Variants in PDE1C observed in about 807,000 individuals in gnomAD.
PDE1C encodes dual specificity calcium/calmodulin-dependent 3',5'-cyclic nucleotide phosphodiesterase 1C.
In PDE1C, 62 loss-of-function variants were observed where a neutral mutation model predicts 93.1. The observed-to-expected ratio is 0.67, with a 90% confidence interval of 0.54 to 0.82. PDE1C has a LOEUF of 0.82. Among genes scored for constraint, PDE1C ranks in the 40% least tolerant of loss-of-function variants. PDE1C has a pLI of 0.00. For synonymous variants in PDE1C, 325 were observed against 310.1 expected, an observed-to-expected ratio of 1.05 and a Z score of -0.50; for missense variants, 742 against 884.6, an observed-to-expected ratio of 0.84 and a Z score of 2.04.
rs143858190 is a variant in PDE1C, at chr7:32,251,278, G to A, written c.86-41739C>T. Among the ~76,000 whole-genome samples the A allele has an allele frequency of 2.4e-4, 37 of 152,260 alleles. 1 individual carries two copies. Among genetic ancestry groups the A allele is most frequent in the African/African-American group, 8.9e-4 (37 of 41,546 alleles). On this transcript the variant is annotated intron_variant, in intron 1 of 18. Coordinates refer to the PDE1C transcript ENST00000396193. ...AATCCGGCAGCCCAGGACTAGGCCCGTCATGTCCTCTCCCACCCTACTTTG... is the reference window on the plus strand; with the variant it reads ...AATCCGGCAGCCCAGGACTAGGCCCATCATGTCCTCTCCCACCCTACTTTG...
chr7:31,879,305 C>CA (rs1321069646), intron 3 of PDE1C, 127 bp from the exon 4 acceptor site: 7 of 854,700 alleles, frequency 8.2e-6, no homozygotes, highest in South Asian at 1.8e-5. Context: ...AAATTGGCCA[C>CA]AAAAAATACA....
intron 1 of PDE1C, among the ~76,000 whole-genome samples, chr7:32,421,107 A>ACG (rs898803695): frequency 6.6e-6 from 1 of 151,840 alleles, no homozygotes; most frequent in Non-Finnish European, 1.5e-5. Flanking sequence ...ACACACACAC[A>ACG]CACAGCACTA....
intron 1 of PDE1C, among the ~76,000 whole-genome samples, chr7:32,284,307 G>A (rs1811864122): frequency 6.6e-6 from 1 of 152,230 alleles, no homozygotes; most frequent in African/African-American, 2.4e-5. Context: ...GAAGGAGCCA[G>A]ACAGAACTGG....
chr7:31,924,377 T>G (rs1002196159), intron 2 of PDE1C, among the ~76,000 whole-genome samples: 2 of 152,086 alleles, frequency 1.3e-5, no homozygotes, highest in Non-Finnish European at 2.9e-5. Context: ...AGGAAATAAT[T>G]TGTAGCAAAG....
chr7:32,277,446 G>T (rs1811358668), intron 1 of PDE1C, among the ~76,000 whole-genome samples: 2 of 152,072 alleles, frequency 1.3e-5, no homozygotes, highest in Non-Finnish European at 2.9e-5. Flanking sequence ...GGCCCAAAAT[G>T]GTATAAAGCC....
intron 1 of PDE1C, among the ~76,000 whole-genome samples, chr7:32,066,768 G>A (rs1319031388): frequency 6.7e-6 from 1 of 149,022 alleles, no homozygotes; most frequent in Non-Finnish European, 1.5e-5. Flanking sequence ...TAATTCAGAG[G>A]GACTCAAAAA....
intron 2 of PDE1C, among the ~76,000 whole-genome samples, chr7:31,899,104 A>T (rs2128916013): frequency 7.1e-6 from 1 of 140,658 alleles, no homozygotes; most frequent in South Asian, 2.4e-4. Context: ...TTTAGTACTG[A>T]TCCTTACCAA....
intron 3 of PDE1C, among the ~76,000 whole-genome samples, chr7:32,165,163 ATGTTTGATCCTATT>A (rs1802154839): frequency 6.6e-6 from 1 of 152,188 alleles, no homozygotes; most frequent in African/African-American, 2.4e-5. Context: ...CACAAAACCC[ATGTTTGATCCTATT>A]TAACTTTGTA....
intron 1 of PDE1C, among the ~76,000 whole-genome samples, chr7:32,388,241 C>T (rs1229238035): frequency 6.6e-6 from 1 of 152,154 alleles, no homozygotes; most frequent in Non-Finnish European, 1.5e-5. Context: ...TTCTCACTTA[C>T]ATAGCTGAGC....
the PDE1C span, among the ~76,000 whole-genome samples, chr7:31,706,367 C>T: frequency 6.6e-6 from 1 of 152,030 alleles, no homozygotes; most frequent in African/African-American, 2.4e-5. Flanking sequence ...CTTTATTTTG[C>T]TTTATAAGGT....
intron 1 of PDE1C, among the ~76,000 whole-genome samples, chr7:32,414,256 G>T (rs1165795235): frequency 1.3e-5 from 2 of 150,678 alleles, no homozygotes; most frequent in South Asian, 4.2e-4. Flanking sequence ...ATAATAAAGG[G>T]TAGAGGGGTA....
chr7:31,796,857 G>A (rs1022011179), intron 16 of PDE1C, among the ~76,000 whole-genome samples: 1 of 151,628 alleles, frequency 6.6e-6, no homozygotes, highest in Non-Finnish European at 1.5e-5. Flanking sequence ...AAATCAAAAT[G>A]TTTAATCAAA....
At chr7:32,011,114 A>G (rs547130716) in intron 2 of PDE1C, among the ~76,000 whole-genome samples, 1 of 152,348 alleles carries the variant, frequency 6.6e-6, no homozygotes, top group African/African-American at 2.4e-5. Flanking sequence ...CCACAAGAAA[A>G]TATTTTCAAA....
intron 1 of PDE1C, among the ~76,000 whole-genome samples, chr7:32,277,950 T>C (rs1032422610): frequency 2.0e-5 from 3 of 151,978 alleles, no homozygotes; most frequent in African/African-American, 7.3e-5. Context: ...TGGGAGGAGA[T>C]AGAAGGTGCC....
At chr7:31,930,570 G>A (rs1176680661) in intron 2 of PDE1C, among the ~76,000 whole-genome samples, 2 of 152,036 alleles carry the variant, frequency 1.3e-5, no homozygotes, top group Non-Finnish European at 2.9e-5. Flanking sequence ...GCCAGGCGTG[G>A]TGGCTCACGC....
intron 1 of PDE1C, among the ~76,000 whole-genome samples, chr7:32,305,761 C>G (rs1812984369): frequency 1.3e-5 from 2 of 152,236 alleles, no homozygotes; most frequent in Admixed American, 1.3e-4. Context: ...CTGGGCAGAG[C>G]CCATATGGCA....
chr7:31,870,420 T>C (rs1232495003), intron 6 of PDE1C, among the ~76,000 whole-genome samples: 2 of 151,778 alleles, frequency 1.3e-5, no homozygotes, highest in African/African-American at 4.8e-5. Flanking sequence ...AAAAGGGAGA[T>C]ATTACAACTG....
intron 1 of PDE1C, among the ~76,000 whole-genome samples, chr7:32,307,075 A>C (rs1562665603): frequency 6.6e-6 from 1 of 152,242 alleles, no homozygotes; most frequent in Non-Finnish European, 1.5e-5. Flanking sequence ...CCCAGGATCA[A>C]GAAAAACAGC....
intron 3 of PDE1C, among the ~76,000 whole-genome samples, chr7:32,162,567 C>A (rs1801985675): frequency 7.1e-6 from 1 of 141,488 alleles, no homozygotes; most frequent in African/African-American, 2.6e-5. Flanking sequence ...GACTGTACTG[C>A]AGCTCTAAAA....
Sources: allele counts gnomAD v4.1 joint callset (sites outside exome capture counted in the v4.1 genomes callset), GRCh38; gene constraint gnomAD v4.1.1; transcripts MANE v1.5; gene names NCBI Gene and HGNC (gene_info 2026-07-23, HGNC 2026-07-21).